UNC13C: variants seen among roughly 807,000 people sequenced by gnomAD.
UNC13C encodes the protein unc-13 homolog C, also known as protein unc-13 homolog C.
In UNC13C, 174 loss-of-function variants were observed where a neutral mutation model predicts 245.4. That is an observed-to-expected ratio of 0.71 (90% confidence interval 0.63 to 0.80). The LOEUF (loss-of-function observed/expected upper bound fraction) is 0.80. UNC13C is among the 30% of genes least tolerant of loss of function. The pLI is 0.00. For synonymous variants in UNC13C, 992 were observed against 895.1 expected, an observed-to-expected ratio of 1.11 and a Z score of -1.93; for missense variants, 2,829 against 2,602.9, an observed-to-expected ratio of 1.09 and a Z score of -1.89.
chr15:54,479,187 C>T (rs28377171), intron 19 of UNC13C, among the ~76,000 whole-genome samples: 63,174 of 151,638 alleles, frequency 0.42, 13,447 homozygotes, highest in East Asian at 0.63. Flanking sequence ...TTGAAATCCC[C>T]GACTATTATT....
At chr15:54,008,062 G>A (rs1368253797) in intron 1 of UNC13C, among the ~76,000 whole-genome samples, 1 of 152,170 alleles carries the variant, frequency 6.6e-6, no homozygotes, top group Non-Finnish European at 1.5e-5. Flanking sequence ...ATCTGAAAAT[G>A]CTTTAACTTA....
intron 11 of UNC13C, among the ~76,000 whole-genome samples, chr15:54,296,391 TTA>T (rs2037435767): frequency 1.5e-4 from 20 of 137,830 alleles, no homozygotes; most frequent in East Asian, 4.2e-4. Flanking sequence ...TTATTTTTTT[TTA>T]TTTTTTAGTG....
the UNC13C span, among the ~76,000 whole-genome samples, chr15:53,936,591 G>C: frequency 4.6e-5 from 7 of 152,146 alleles, no homozygotes; most frequent in African/African-American, 1.7e-4. Flanking sequence ...CTCCCAACAG[G>C]GGTCTCCAGA....
chr15:54,612,613 GCT>G (rs1900175845), intron 30 of UNC13C, among the ~76,000 whole-genome samples: 2 of 151,896 alleles, frequency 1.3e-5, no homozygotes, highest in African/African-American at 2.4e-5. Flanking sequence ...GAATAATCGT[GCT>G]CTTTCTCATT....
At chr15:54,510,696 G>A (rs576542721) in intron 23 of UNC13C, among the ~76,000 whole-genome samples, 2 of 152,196 alleles carry the variant, frequency 1.3e-5, no homozygotes, top group East Asian at 3.9e-4. Context: ...CCACTGATAA[G>A]AGCTAACACC....
the UNC13C span, among the ~76,000 whole-genome samples, chr15:53,927,064 G>T: frequency 6.6e-6 from 1 of 152,198 alleles, no homozygotes; most frequent in African/African-American, 2.4e-5. Flanking sequence ...TCCAGGCACT[G>T]TTCTAAGAGC....
intron 2 of UNC13C, among the ~76,000 whole-genome samples, chr15:54,051,762 CTT>C (rs146812288): frequency 6.2e-5 from 9 of 145,336 alleles, no homozygotes; most frequent in African/African-American, 2.3e-4. Context: ...TTCTTTCTTT[CTT>C]TTTTTTTTTA....
chr15:54,537,024 A>C (rs958090374), intron 26 of UNC13C, among the ~76,000 whole-genome samples: 1 of 152,174 alleles, frequency 6.6e-6, no homozygotes, highest in Non-Finnish European at 1.5e-5. Context: ...CCAAATAGGA[A>C]GAGAGAAAGT....
At chr15:54,073,493 C>A (rs1396142910) in intron 2 of UNC13C, among the ~76,000 whole-genome samples, 1 of 152,184 alleles carries the variant, frequency 6.6e-6, no homozygotes, top group Non-Finnish European at 1.5e-5. Context: ...TTTACACTCC[C>A]ATCAACAGTG....
intron 17 of UNC13C, among the ~76,000 whole-genome samples, chr15:54,352,653 G>T (rs2039010785): frequency 6.6e-6 from 1 of 151,916 alleles, no homozygotes; most frequent in Non-Finnish European, 1.5e-5. Flanking sequence ...CTCATAAGTG[G>T]TGTCTATATA....
Position 54,571,505 on chromosome 15 carries a change from G to A in UNC13C, c.6106+3558G>A, listed in dbSNP as rs539247676. The stretch of plus-strand genomic sequence containing the variant: ...GTGGGGCACAGCCAAACCATGTCAC[G>A]GTGTAAATATTGTTGCAATTATCCA... On this transcript the variant is annotated intron_variant, in intron 30 of 32. Transcript: ENST00000260323. Among the ~76,000 whole-genome samples, 35 of 152,102 alleles carry A rather than the reference G, an allele frequency of 2.3e-4. 1 individual carries two copies. Among genetic ancestry groups the A allele is most frequent in the Admixed American group, 1.2e-3 (18 of 15,264 alleles).
chr15:54,528,696 T>G (rs576540469), intron 25 of UNC13C, among the ~76,000 whole-genome samples: 1 of 151,890 alleles, frequency 6.6e-6, no homozygotes, highest in African/African-American at 2.4e-5. Context: ...TCAGTCTATC[T>G]CCCCACCCCA....
chr15:53,995,811 A>G (rs1894604534), intron 1 of UNC13C, among the ~76,000 whole-genome samples: 1 of 152,180 alleles, frequency 6.6e-6, no homozygotes, highest in Non-Finnish European at 1.5e-5. Context: ...ATGCCCAATA[A>G]AAGAGAAATT....
chr15:54,304,344 A>G (rs189017335), intron 13 of UNC13C, among the ~76,000 whole-genome samples: 1 of 152,232 alleles, frequency 6.6e-6, no homozygotes, highest in East Asian at 1.9e-4. Flanking sequence ...TGACAATTAC[A>G]CTTCAGTGAC....
intron 9 of UNC13C, 31 bp from the exon 10 acceptor site, chr15:54,265,324 A>G (rs746227014): frequency 1.4e-6 from 2 of 1,401,296 alleles, no homozygotes; most frequent in South Asian, 1.9e-5. Context: ...AGGACTCTGT[A>G]TGTTAAAATG....
intron 2 of UNC13C, among the ~76,000 whole-genome samples, chr15:54,056,424 G>C (rs1481747246): frequency 6.6e-6 from 1 of 152,110 alleles, no homozygotes; most frequent in African/African-American, 2.4e-5. Flanking sequence ...AGAATAAAAA[G>C]AAATGCACAA....
intron 19 of UNC13C, among the ~76,000 whole-genome samples, chr15:54,476,781 T>G (rs1892767358): frequency 1.4e-5 from 2 of 146,996 alleles, no homozygotes; most frequent in Non-Finnish European, 3.0e-5. Flanking sequence ...AGGATTGACT[T>G]GGTGATGCGG....
At chr15:54,552,901 ATT>A (rs1896889634) in intron 28 of UNC13C, among the ~76,000 whole-genome samples, 1 of 568 alleles carries the variant, frequency 1.8e-3, no homozygotes, top group Non-Finnish European at 3.7e-3. Flanking sequence ...CTATATATAT[ATT>A]AATATATAAT....
intron 18 of UNC13C, among the ~76,000 whole-genome samples, chr15:54,412,494 T>C (rs60172465): frequency 0.031 from 4,657 of 152,236 alleles, 187 homozygotes; most frequent in Admixed American, 0.12. Flanking sequence ...CCTCAACATG[T>C]AGGGATTACA....
Sources: allele counts gnomAD v4.1 joint callset (sites outside exome capture counted in the v4.1 genomes callset), GRCh38; gene constraint gnomAD v4.1.1; transcripts MANE v1.5; gene names NCBI Gene and HGNC (gene_info 2026-07-23, HGNC 2026-07-21).